Variants in EIF5 observed in about 807,000 individuals in gnomAD.
The protein encoded by EIF5 is eukaryotic translation initiation factor 5.
In EIF5, 10 loss-of-function variants were observed where a neutral mutation model predicts 48.3. That is an observed-to-expected ratio of 0.21 (90% confidence interval 0.13 to 0.35). The LOEUF is 0.35. Ranked by LOEUF, EIF5 falls within the 10% of genes least tolerant of loss-of-function variation. The pLI is 1.00. For missense variants in EIF5, 397 were observed against 533.2 expected (o/e 0.74, Z 2.51); for synonymous variants, 237 against 173.1 (o/e 1.37, Z -2.90).
At chr14:103,335,538 T>C in intron 2 of EIF5, 115 bp from the exon 3 acceptor site, 1 of 382,820 alleles carries the variant, frequency 2.6e-6, no homozygotes, top group Non-Finnish European at 4.8e-6. Flanking sequence ...CTCAGATGCT[T>C]TTTAAGGTGG....
rs1027850736 is a variant in EIF5 at position 103,344,848 on chromosome 14, T to C, written c.*3796T>C. ...TAAATGTATCAGGTAAAGGACAAGT[T>C]GTAAGCTTGGATTTTTAGGTCTAGC... On this transcript the variant is annotated 3_prime_UTR_variant, in exon 12 of 12. Coordinates refer to ENST00000216554, the MANE Select transcript of EIF5 (RefSeq NM_001969.5). 1 of 152,182 alleles carries C rather than the reference T, an allele frequency of 6.6e-6. No individual in the cohort carries two copies. Among genetic ancestry groups the C allele is most frequent in the African/African-American group, 2.4e-5 (1 of 41,436 alleles). 9.4% of individuals were successfully genotyped at this position (152,182 alleles called of 1,614,324 possible).
Position 103,343,459 on chromosome 14 carries a change from T to A in EIF5, c.*2407T>A, listed in dbSNP as rs2089376998. ...AGCTATGTAACTGTGAATAATTGTA[T>A]ATATCTCTAGTTAAGAATGAGGGAA... is the stretch of plus-strand genomic sequence containing the variant. On this transcript the variant is annotated 3_prime_UTR_variant, in exon 12 of 12. Transcript: ENST00000216554. 6.6e-6 allele frequency: 1 copy of A among 152,242 alleles called. No homozygotes were observed. The highest frequency in any genetic ancestry group is 1.5e-5 in the Non-Finnish European group (1 of 68,044). The allele number at this position is 152,242 out of a possible 1,614,324, so 9.4% of individuals were successfully genotyped here. A position where few individuals can be genotyped will look rare whatever the true frequency, so the allele number is the denominator to read the frequency against.
In EIF5 at chr14:103,335,710, C is replaced by T; in HGVS notation, c.-151C>T. ...GGAAACATAGCATACAAGCAAGAAGCTTACAGCCTCAGTGGCGAAAATTTT... is the reference window on the plus strand; with the variant it reads ...GGAAACATAGCATACAAGCAAGAAGTTTACAGCCTCAGTGGCGAAAATTTT... On this transcript the variant is annotated 5_prime_UTR_variant, in exon 3 of 12. Transcript: ENST00000216554. 2.8e-6 allele frequency: 2 copies of T among 725,628 alleles called. No individual in the cohort carries two copies. Among genetic ancestry groups the T allele is most frequent in the Non-Finnish European group, 2.4e-6 (1 of 424,158 alleles). The allele number at this position is 725,628 out of a possible 1,614,324, so 44.9% of individuals were successfully genotyped here.
At chr14:103,338,579 C>T in intron 7 of EIF5, 107 bp downstream of exon 7, 1 of 1,492,482 alleles carries the variant, frequency 6.7e-7, no homozygotes, top group Non-Finnish European at 8.9e-7. Context: ...GTGTAATACA[C>T]TAATATTGTG....
intron 11 of EIF5, 124 bp downstream of exon 11, chr14:103,340,685 A>G (rs2089342979): frequency 2.4e-6 from 3 of 1,253,504 alleles, no homozygotes; most frequent in South Asian, 3.1e-5. Context: ...TTTAAGATGC[A>G]GTAAAATACA....
intron 6 of EIF5, chr14:103,337,934 C>G (rs1450807294): frequency 1.9e-6 from 1 of 528,256 alleles, no homozygotes; most frequent in Non-Finnish European, 3.8e-6. Flanking sequence ...TTCCGGTGTT[C>G]TCTCTCCCAT....
Position 103,338,903 on chromosome 14 carries a change from T to C in EIF5, c.744+10T>C. 6.2e-7 allele frequency: 1 copy of C among 1,611,964 alleles called. No individual in the cohort carries two copies. On this transcript the variant is annotated intron_variant, in intron 8 of 11. Coordinates refer to ENST00000216554, the MANE Select transcript of EIF5 (RefSeq NM_001969.5). ...CTTTGATTTTGTTAAGGTAAAACATTTGCTTGGTCTGTAAATCAGCTTCAA... is the reference window on the plus strand; with the variant it reads ...CTTTGATTTTGTTAAGGTAAAACATCTGCTTGGTCTGTAAATCAGCTTCAA...
intron 2 of EIF5, chr14:103,335,341 G>A (rs531234356): frequency 4.4e-5 from 7 of 157,350 alleles, no homozygotes; most frequent in African/African-American, 1.4e-4. Flanking sequence ...AGCACTTCCA[G>A]GATGGCCGCA....
chr14:103,336,505 CCGGAAA>C (rs1385502998), intron 4 of EIF5, 166 bp from the exon 5 acceptor site: 1 of 671,490 alleles, frequency 1.5e-6, no homozygotes, highest in African/African-American at 1.8e-5. Flanking sequence ...CGCTTGAACC[CCGGAAA>C]CGGAGGTTGC....
intron 4 of EIF5, 176 bp downstream of exon 4, chr14:103,336,293 A>C: frequency 1.4e-6 from 1 of 720,460 alleles, no homozygotes; most frequent in Non-Finnish European, 2.3e-6. Flanking sequence ...GCATTTAAAG[A>C]GTGGATGGCT....
Position 103,340,559 on chromosome 14 carries a change from G to A in EIF5, c.1204G>A (p.Glu402Lys). ...GEEEDEDENI[E>K]VVYSKAASVP... ...AGAAGAAGATGAAGATGAGAACATT[G>A]AGGTAAACATTGGGGGAGGAGGGTA... The change falls in exon 11 of 12, where the codon GAG (glutamate) becomes AAG (lysine). Residue 402 changes from glutamate to lysine, a missense_variant and splice_region_variant. Physicochemically the swap from Glu to Lys is moderately conservative, Grantham distance 56. Around this residue, in one of 4 missense-constraint regions of EIF5, gnomAD observed 160 missense variants for 184.8 expected, o/e 0.87. Coordinates refer to ENST00000216554, the MANE Select transcript of EIF5 (RefSeq NM_001969.5). The A allele has an allele frequency of 1.9e-6, 3 of 1,610,362 alleles. No individual in the cohort carries two copies. Among genetic ancestry groups the A allele is most frequent in the Non-Finnish European group, 2.5e-6 (3 of 1,176,736 alleles).
At position 103,336,102 on chromosome 14, in the gene EIF5, A is replaced by T. The variant is rs201557466; in HGVS notation, c.139A>T (p.Asn47Tyr). Reference protein sequence around the residue: ...VNMVDVAKALNRPPTYPTKYF... With the variant: ...VNMVDVAKALYRPPTYPTKYF... ...CATGGTTGACGTTGCAAAGGCGCTT[A>T]ATCGGCCTCCAACGTGTAAGTAAAG... Residue 47 changes from asparagine to tyrosine, a missense_variant, in exon 4 of 12, where the codon AAT (asparagine) becomes TAT (tyrosine). By Grantham distance (143) the Asn-to-Tyr change is moderately radical. Around this residue, in one of 4 missense-constraint regions of EIF5, gnomAD observed 108 missense variants for 188.3 expected, o/e 0.57. Coordinates refer to ENST00000216554, the MANE Select transcript of EIF5 (RefSeq NM_001969.5). 6.2e-7 allele frequency: 1 copy of T among 1,614,234 alleles called. No homozygotes were observed. The highest frequency in any genetic ancestry group is 2.2e-5 in the East Asian group (1 of 44,892).
rs2089310470 is a variant in EIF5 at position 103,338,102 on chromosome 14, A to G, written c.440-225A>G. ...CATCTTACTCTTTCTTAGCAGTTACAATACCCCTAATATTTTGTGTCACTC... is the reference window on the plus strand; with the variant it reads ...CATCTTACTCTTTCTTAGCAGTTACGATACCCCTAATATTTTGTGTCACTC... On this transcript the variant is annotated intron_variant, in intron 6 of 11. Coordinates refer to ENST00000216554, the MANE Select transcript of EIF5 (RefSeq NM_001969.5). 3 of 676,912 alleles carry G rather than the reference A, an allele frequency of 4.4e-6. No homozygotes were observed. The South Asian group carries it at 5.2e-5, about 12-fold the overall frequency. 41.9% of individuals were successfully genotyped at this position (676,912 alleles called of 1,614,324 possible).
At position 103,341,231 on chromosome 14, in the gene EIF5, C is replaced by T. The variant is rs1027454988; in HGVS notation, c.*179C>T. The T allele has an allele frequency of 8.7e-6, 5 of 572,180 alleles. No individual in the cohort carries two copies. The highest frequency in any genetic ancestry group is 5.6e-5 in the African/African-American group (3 of 53,388). 35.4% of individuals were successfully genotyped at this position (572,180 alleles called of 1,614,324 possible). On this transcript the variant is annotated 3_prime_UTR_variant, in exon 12 of 12. Transcript: ENST00000216554. ...AGCCCAATGAGACATCTAGGGAGTC[C>T]ATACACATCAGTGAGCAGATGTAGT... is the stretch of plus-strand genomic sequence containing the variant.
chr14:103,342,318 C>T lies in EIF5; in HGVS notation c.*1266C>T, dbSNP rs1400293677. The T allele has an allele frequency of 4.6e-5, 7 of 152,270 alleles. No individual in the cohort carries two copies. The South Asian group carries it at 1.0e-3, about 23-fold the overall frequency. The allele number at this position is 152,270 out of a possible 1,614,324, so 9.4% of individuals were successfully genotyped here. ...CAGGTGACAAGGACCTGACAGAGCC[C>T]ATGCAGGGCTTTAGATTTGGACACA... On this transcript the variant is annotated 3_prime_UTR_variant, in exon 12 of 12. Coordinates refer to ENST00000216554, the MANE Select transcript of EIF5 (RefSeq NM_001969.5).
intron 9 of EIF5, 25 bp downstream of exon 9, chr14:103,339,358 A>G: frequency 1.3e-6 from 2 of 1,575,968 alleles, no homozygotes; most frequent in Non-Finnish European, 1.7e-6. Context: ...CTGGATTCAT[A>G]AATGAGATTA....
chr14:103,334,762 C>T (rs892914063), intron 2 of EIF5, 165 bp downstream of exon 2: 45 of 147,320 alleles, frequency 3.1e-4, no homozygotes, highest in African/African-American at 1.0e-3. Flanking sequence ...CCGGCCTCGC[C>T]CCCTCCCCGG....
intron 2 of EIF5, chr14:103,335,186 G>C (rs2089269613): frequency 6.6e-6 from 1 of 152,408 alleles, no homozygotes; most frequent in South Asian, 2.1e-4. Context: ...CTGCTTTGAA[G>C]TAAGCCATGG....
Position 103,338,393 on chromosome 14 carries a change from A to G in EIF5, c.506A>G (p.Glu169Gly). The stretch of plus-strand genomic sequence containing the variant: ...AAAAACAGAAAGGGCAAAGACAAGG[A>G]AAATGGCTCCGTATCCAGCAGTGAG... ...EKKNRKGKDK[E>G]NGSVSSSETP... Residue 169 changes from glutamate to glycine, a missense_variant, in exon 7 of 12, where the codon GAA becomes GGA. Glu to Gly is a moderately conservative substitution (Grantham distance 98). This residue lies in a region of EIF5 where 126 missense variants were observed against 141.9 expected (regional missense o/e 0.89). Coordinates refer to ENST00000216554, the MANE Select transcript of EIF5 (RefSeq NM_001969.5). 1 of 1,612,358 alleles carries G rather than the reference A, an allele frequency of 6.2e-7. No homozygotes were observed. Among genetic ancestry groups the G allele is most frequent in the South Asian group, 1.1e-5 (1 of 90,922 alleles).
Sources: allele counts gnomAD v4.1 joint callset, GRCh38; gene constraint gnomAD v4.1.1; regional missense constraint gnomAD v4.1.1; transcripts MANE v1.5; gene names NCBI Gene and HGNC (gene_info 2026-07-23, HGNC 2026-07-21).